CLASP2: variants seen among roughly 807,000 people sequenced by gnomAD.
The protein encoded by CLASP2 is CLIP-associating protein 2.
CLASP2 carries 47 observed loss-of-function variants against 194.4 expected under a neutral mutation model. That is an observed-to-expected ratio of 0.24 (90% CI 0.19 to 0.31). The LOEUF is 0.31. Ranked by LOEUF, CLASP2 falls within the 10% of genes least tolerant of loss-of-function variation. The pLI is 1.00. For synonymous variants in CLASP2, 619 were observed against 633.5 expected (o/e 0.98, Z 0.34); for missense variants, 1,445 against 1,823.6 (o/e 0.79, Z 3.78).
intron 1 of CLASP2, among the ~76,000 whole-genome samples, chr3:33,705,937 T>C (rs1026333545): frequency 6.6e-6 from 1 of 152,158 alleles, no homozygotes; most frequent in South Asian, 2.1e-4. Flanking sequence ...TAAATAGATA[T>C]AGACAGACAT....
At chr3:33,696,450 T>C (rs1455382471) in intron 2 of CLASP2, among the ~76,000 whole-genome samples, 2 of 147,354 alleles carry the variant, frequency 1.4e-5, no homozygotes, top group African/African-American at 5.0e-5. Flanking sequence ...AGCAGATCTC[T>C]GGGTTACATA....
intron 8 of CLASP2, among the ~76,000 whole-genome samples, chr3:33,640,127 C>G (rs1342313861): frequency 6.6e-6 from 1 of 152,162 alleles, no homozygotes; most frequent in Non-Finnish European, 1.5e-5. Flanking sequence ...AGAAGTGTTA[C>G]TTGGTTTCAC....
chr3:33,676,030 T>C (rs555817100), intron 6 of CLASP2, among the ~76,000 whole-genome samples: 6,677 of 151,890 alleles, frequency 0.044, 225 homozygotes, highest in Non-Finnish European at 0.068. Flanking sequence ...ATAGATTCAA[T>C]GCCATCCCCA....
At chr3:33,717,312 T>G (rs2093342127) in intron 1 of CLASP2, among the ~76,000 whole-genome samples, 2 of 152,168 alleles carry the variant, frequency 1.3e-5, no homozygotes, top group African/African-American at 4.8e-5. Context: ...ATCGCTGAAT[T>G]TGTCATTGTC....
In CLASP2 at chr3:33,496,855, G is replaced by A. The variant is rs146137590; in HGVS notation, c.*1776C>T. 6.6e-6 allele frequency: 1 copy of A among 152,458 alleles called. No homozygotes were observed. Among genetic ancestry groups the A allele is most frequent in the East Asian group, 1.9e-4 (1 of 5,190 alleles). 9.4% of individuals were successfully genotyped at this position (152,458 alleles called of 1,614,324 possible). On this transcript the variant is annotated 3_prime_UTR_variant, in exon 39 of 39. Transcript: ENST00000682230. ...TAGCTATATACCTTTGATTGTGGTA[G>A]CTACACCTGAAAAATCTTTTCTCCT...
At position 33,498,586 on chromosome 3, in the gene CLASP2, T is replaced by C; in HGVS notation, c.*45A>G. Reference sequence around the variant, plus strand: ...TCCTTTCATTGATGAGGGTGGTCTATCTGTCCTTTCTTTTGAGAGACCTGG... The same window carrying C: ...TCCTTTCATTGATGAGGGTGGTCTACCTGTCCTTTCTTTTGAGAGACCTGG... On this transcript the variant is annotated 3_prime_UTR_variant, in exon 39 of 39. Coordinates refer to ENST00000682230, the MANE Select transcript of CLASP2 (RefSeq NM_001365631.1). The C allele has an allele frequency of 7.9e-7, 1 of 1,268,038 alleles. No homozygotes were observed. The highest frequency in any genetic ancestry group is 1.1e-6 in the Non-Finnish European group (1 of 870,882). The allele number at this position is 1,268,038 out of a possible 1,614,324, so 78.5% of individuals were successfully genotyped here.
intron 8 of CLASP2, among the ~76,000 whole-genome samples, chr3:33,640,305 T>C (rs2081040392): frequency 6.6e-6 from 1 of 152,170 alleles, no homozygotes; most frequent in Admixed American, 6.5e-5. Flanking sequence ...AAAATGGGAA[T>C]AACTAGCATC....
chr3:33,552,423 C>T (rs1295566661), intron 29 of CLASP2, among the ~76,000 whole-genome samples: 3 of 151,972 alleles, frequency 2.0e-5, no homozygotes, highest in Non-Finnish European at 4.4e-5. Context: ...GGCCTATTCT[C>T]CCAGTAATTC....
Position 33,608,554 on chromosome 3 carries a change from A to AG in CLASP2, c.1448+12dup. On this transcript the variant is annotated intron_variant, in intron 14 of 38. Transcript: ENST00000682230. ...GGGGAGGAAAGTGGGAGGAAGGAAG[A>AG]GGGAATGCATACCTTTCCAATGAAT... The AG allele has an allele frequency of 6.2e-7, 1 of 1,601,214 alleles. No individual in the cohort carries two copies.
chr3:33,637,529 G>A (rs949549348), intron 8 of CLASP2, among the ~76,000 whole-genome samples: 2 of 151,852 alleles, frequency 1.3e-5, no homozygotes, highest in Admixed American at 6.6e-5. Context: ...GCAAGACTCC[G>A]TATCAAACAA....
At chr3:33,616,166 C>T (rs1196340567) in intron 12 of CLASP2, among the ~76,000 whole-genome samples, 3 of 151,948 alleles carry the variant, frequency 2.0e-5, no homozygotes, top group Non-Finnish European at 4.4e-5. Flanking sequence ...GAATGTATAA[C>T]ATTCTAAAAA....
chr3:33,591,093 T>C (rs2068686007), intron 21 of CLASP2, among the ~76,000 whole-genome samples: 1 of 152,088 alleles, frequency 6.6e-6, no homozygotes, highest in Non-Finnish European at 1.5e-5. Context: ...GGAGGATCCC[T>C]TGAGCCCAGG....
chr3:33,656,815 G>T (rs1575339345), intron 7 of CLASP2, among the ~76,000 whole-genome samples: 1 of 151,380 alleles, frequency 6.6e-6, no homozygotes, highest in African/African-American at 2.4e-5. Flanking sequence ...TAACACGATA[G>T]TATTTTTTTA....
At chr3:33,689,965 C>A in intron 2 of CLASP2, 33 bp from the exon 3 acceptor site, 1 of 1,343,864 alleles carries the variant, frequency 7.4e-7, no homozygotes, top group Non-Finnish European at 1.0e-6. Context: ...AGAGTAATTA[C>A]TTATAACTCA....
chr3:33,618,972 T>C (rs1204265820), intron 12 of CLASP2, among the ~76,000 whole-genome samples: 1 of 152,176 alleles, frequency 6.6e-6, no homozygotes, highest in East Asian at 1.9e-4. Context: ...TGTACTTGCA[T>C]AAACCTACAT....
At chr3:33,699,757 A>G (rs2092235695) in intron 1 of CLASP2, among the ~76,000 whole-genome samples, 2 of 152,002 alleles carry the variant, frequency 1.3e-5, no homozygotes. Context: ...CTATAACAAA[A>G]GTTACGTGTG....
intron 37 of CLASP2, among the ~76,000 whole-genome samples, chr3:33,508,517 T>C (rs1323102811): frequency 2.0e-5 from 3 of 150,856 alleles, no homozygotes; most frequent in East Asian, 4.0e-4. Context: ...TTAGTAGATA[T>C]GGGGTTTCAC....
rs1184705018 is a variant in CLASP2 at position 33,535,914 on chromosome 3, C to A, written c.3559-453G>T. ...ATAAAATCAAATTTAAAAAGGCTTGCTTTAAGGAGAAAAAAAAAAAAAAGA... is the reference window on the plus strand; with the variant it reads ...ATAAAATCAAATTTAAAAAGGCTTGATTTAAGGAGAAAAAAAAAAAAAAGA... On this transcript the variant is annotated intron_variant, in intron 33 of 38. Coordinates refer to ENST00000682230, the MANE Select transcript of CLASP2 (RefSeq NM_001365631.1). Among the ~76,000 whole-genome samples the A allele has an allele frequency of 4.1e-5, 6 of 145,640 alleles. No homozygotes were observed. The Admixed American group carries it at 4.1e-4, about 10-fold the overall frequency.
chr3:33,499,679 A>G (rs2046397780), intron 38 of CLASP2, among the ~76,000 whole-genome samples: 1 of 152,076 alleles, frequency 6.6e-6, no homozygotes, highest in Non-Finnish European at 1.5e-5. Flanking sequence ...GCATGAAAAC[A>G]GACTAATATA....
Sources: allele counts gnomAD v4.1 joint callset (sites outside exome capture counted in the v4.1 genomes callset), GRCh38; gene constraint gnomAD v4.1.1; transcripts MANE v1.5; gene names NCBI Gene and HGNC (gene_info 2026-07-23, HGNC 2026-07-21).